Variants in MYL12A observed in about 807,000 individuals in gnomAD.
MYL12A encodes myosin light chain 12A, also known as myosin regulatory light chain 12A.
A neutral mutation model predicts 13.3 loss-of-function variants in MYL12A; 11 were observed. The ratio of observed to expected loss-of-function variants is 0.83; its 90% CI spans 0.52 to 1.37. The LOEUF is 1.37. Ranked by LOEUF, MYL12A falls within the 40% of genes most tolerant of loss-of-function variation. The pLI is 0.00. For missense variants in MYL12A, 146 were observed against 212.3 expected, an observed-to-expected ratio of 0.69 and a Z score of 1.94; for synonymous variants, 51 against 69.9, an observed-to-expected ratio of 0.73 and a Z score of 1.35.
chr18:3,248,618 G>A (rs1331956264), intron 1 of MYL12A: 1 of 152,182 alleles, frequency 6.6e-6, no homozygotes, highest in Non-Finnish European at 1.5e-5. Flanking sequence ...ATTTAAAGGC[G>A]AATAAAGCGA....
chr18:3,256,143 A>T lies in MYL12A; in HGVS notation c.*225A>T. 1.7e-6 allele frequency: 1 copy of T among 580,256 alleles called. No homozygotes were observed. Among genetic ancestry groups the T allele is most frequent in the Non-Finnish European group, 3.0e-6 (1 of 336,206 alleles). The allele number at this position is 580,256 out of a possible 1,614,324, so 35.9% of individuals were successfully genotyped here. A position where few individuals can be genotyped will look rare whatever the true frequency, so the allele number is the denominator to read the frequency against. On this transcript the variant is annotated 3_prime_UTR_variant, in exon 4 of 4. Coordinates refer to ENST00000217652, the MANE Select transcript of MYL12A (RefSeq NM_006471.4). The stretch of plus-strand genomic sequence containing the variant: ...TTTAACCTACCAGCCCTTCTCCCCC[A>T]ATAACTGTGGTCTATACAGAGTCAA...
chr18:3,254,110 A>T lies in MYL12A; in HGVS notation c.343+60A>T, dbSNP rs2081515040. The stretch of plus-strand genomic sequence containing the variant: ...TTAATTTTTAGTTATGGTAACTAAA[A>T]TATACAGTAACTTAAAATATGATAA... On this transcript the variant is annotated intron_variant, in intron 3 of 3. Transcript: ENST00000217652. The T allele has an allele frequency of 1.9e-6, 3 of 1,548,164 alleles. No individual in the cohort carries two copies. In the South Asian group the frequency reaches 3.5e-5, roughly 18 times the overall value.
intron 1 of MYL12A, among the ~76,000 whole-genome samples, chr18:3,250,858 C>T (rs908134404): frequency 6.6e-6 from 1 of 152,094 alleles, no homozygotes; most frequent in African/African-American, 2.4e-5. Flanking sequence ...TCATTATTGT[C>T]ACACGTTTTA....
chr18:3,253,168 T>C, intron 1 of MYL12A, 65 bp from the exon 2 acceptor site: 1 of 1,501,826 alleles, frequency 6.7e-7, no homozygotes, highest in Non-Finnish European at 9.0e-7. Context: ...AATCATTGTT[T>C]TGATTCAAAC....
chr18:3,252,791 A>G (rs1016566534), intron 1 of MYL12A, among the ~76,000 whole-genome samples: 7 of 152,296 alleles, frequency 4.6e-5, no homozygotes, highest in African/African-American at 1.2e-4. Context: ...ATATTTGTCA[A>G]TAGAGATTAG....
chr18:3,254,603 G>A (rs2144332394), intron 3 of MYL12A, among the ~76,000 whole-genome samples: 1 of 152,330 alleles, frequency 6.6e-6, no homozygotes, highest in African/African-American at 2.4e-5. Context: ...TGTAAAATGA[G>A]CAGTATTACC....
chr18:3,252,324 T>TGC, intron 1 of MYL12A: 10 of 1,533,508 alleles, frequency 6.5e-6, no homozygotes, highest in Admixed American at 2.0e-5. Flanking sequence ...CTCTGAAGGA[T>TGC]GGTATGGTAG....
intron 3 of MYL12A, 171 bp from the exon 4 acceptor site, chr18:3,255,575 T>C (rs1351588671): frequency 6.6e-6 from 5 of 761,196 alleles, no homozygotes; most frequent in Admixed American, 3.6e-5. Flanking sequence ...TAGGCATTTT[T>C]CTAGGCACTT....
In MYL12A at chr18:3,255,305, T is replaced by C. The variant is rs78197767; in HGVS notation, c.344-441T>C. ...TTAAAACTGGGCCTCAAGCTTCCGG[T>C]ATTCTTTCCACTGTACCACTTTATT... On this transcript the variant is annotated intron_variant, in intron 3 of 3. Coordinates refer to ENST00000217652, the MANE Select transcript of MYL12A (RefSeq NM_006471.4). 1,372 of 153,108 alleles carry C rather than the reference T, an allele frequency of 9.0e-3. 19 individuals carry two copies. The highest frequency in any genetic ancestry group is 0.031 in the African/African-American group (1,291 of 41,614). 9.5% of individuals were successfully genotyped at this position (153,108 alleles called of 1,614,324 possible). A position where few individuals can be genotyped will look rare whatever the true frequency, so the allele number is the denominator to read the frequency against.
rs757270026 is a variant in MYL12A, at chr18:3,255,863, A to G, written c.461A>G (p.Asn154Ser). The change falls in exon 4 of 4, where the codon AAT (asparagine) becomes AGT (serine). Residue 154 changes from asparagine (N) to serine (S), a missense_variant. Physicochemically the swap from Asn to Ser is conservative, Grantham distance 46. Coordinates refer to ENST00000217652, the MANE Select transcript of MYL12A (RefSeq NM_006471.4). ...EAPIDKKGNF[N>S]YIEFTRILKH... ...CCTATTGATAAAAAGGGGAATTTCA[A>G]TTACATCGAGTTCACACGCATCCTG... 1.2e-5 allele frequency: 19 copies of G among 1,614,052 alleles called. No individual in the cohort carries two copies. Among genetic ancestry groups the G allele is most frequent in the South Asian group, 2.2e-5 (2 of 91,084 alleles).
chr18:3,248,857 G>A (rs1416505860), intron 1 of MYL12A, among the ~76,000 whole-genome samples: 1 of 152,078 alleles, frequency 6.6e-6, no homozygotes, highest in Non-Finnish European at 1.5e-5. Flanking sequence ...TACTTGGAAC[G>A]GAAGCACCAA....
At chr18:3,252,514 G>C in intron 1 of MYL12A, 1 of 1,229,310 alleles carries the variant, frequency 8.1e-7, no homozygotes, top group South Asian at 2.0e-5. Context: ...CTACGTTTAA[G>C]ATGTTTTCTA....
chr18:3,252,260 C>A (rs2081493558), intron 1 of MYL12A: 5 of 1,335,230 alleles, frequency 3.7e-6, no homozygotes, highest in Non-Finnish European at 5.2e-6. Flanking sequence ...TAACTCAATG[C>A]AGTGTCTTAC....
chr18:3,253,370 T>C lies in MYL12A; in HGVS notation c.123T>C (p.Asp41=). Reference sequence around the variant, plus strand: ...TCAAAGAGGCCTTCAACATGATTGATCAGAACAGAGATGGTTTCATCGACA... The same window carrying C: ...TCAAAGAGGCCTTCAACATGATTGACCAGAACAGAGATGGTTTCATCGACA... ...QEFKEAFNMI[D]QNRDGFIDKE... Residue 41 remains aspartate (D), a synonymous_variant, in exon 2 of 4, where the codon GAT becomes GAC. Transcript: ENST00000217652. The C allele has an allele frequency of 6.2e-7, 1 of 1,613,974 alleles. No individual in the cohort carries two copies.
rs977074544 is a variant in MYL12A, at chr18:3,254,834, A to G, written c.343+784A>G. Among the ~76,000 whole-genome samples the G allele has an allele frequency of 2.0e-5, 3 of 152,264 alleles. No homozygotes were observed. In the East Asian group the frequency reaches 5.8e-4, roughly 29 times the overall value. ...GTAGCCAAGTGTGTTTAGTGAAGGA[A>G]GGCACAATCTTTGGTTGCCTCCATT... is the stretch of plus-strand genomic sequence containing the variant. On this transcript the variant is annotated intron_variant, in intron 3 of 3. Coordinates refer to ENST00000217652, the MANE Select transcript of MYL12A (RefSeq NM_006471.4).
chr18:3,253,609 G>T, intron 2 of MYL12A, 181 bp downstream of exon 2: 1 of 823,804 alleles, frequency 1.2e-6, no homozygotes, highest in Non-Finnish European at 1.9e-6. Context: ...CTTAGGATTG[G>T]GTTGGGGTTC....
intron 1 of MYL12A, chr18:3,252,303 C>T: frequency 1.3e-6 from 2 of 1,532,570 alleles, no homozygotes; most frequent in Non-Finnish European, 1.7e-6. Flanking sequence ...AGACTACCAT[C>T]TTCCCTGCAA....
chr18:3,254,078 A>C, intron 3 of MYL12A, 28 bp downstream of exon 3: 1 of 1,597,618 alleles, frequency 6.3e-7, no homozygotes, highest in Non-Finnish European at 8.5e-7. Context: ...TTTAATTATA[A>C]AGTGATTTAA....
rs2081481543 is a variant in MYL12A at position 3,251,152 on chromosome 18, AAAAG to A, written c.-15-2080_-15-2077del. On this transcript the variant is annotated intron_variant, in intron 1 of 3. Transcript: ENST00000217652. ...TGTCAGTGCTGACCCAAAAAAAAAAAAAAGCTTTTTTACTTTAAAAATCTATTTT... is the reference window on the plus strand; with the variant it reads ...TGTCAGTGCTGACCCAAAAAAAAAAACTTTTTTACTTTAAAAATCTATTTT... 8.5e-5 allele frequency among the ~76,000 whole-genome samples: 13 copies of A among 152,236 alleles called. No individual in the cohort carries two copies. In the South Asian group the frequency reaches 2.5e-3, roughly 29 times the overall value.
Sources: gnomAD v4.1 joint callset for allele counts (sites outside exome capture counted in the v4.1 genomes callset) on GRCh38, gnomAD v4.1.1 for gene constraint, MANE v1.5 for transcripts, NCBI Gene and HGNC (gene_info 2026-07-23, HGNC 2026-07-21) for gene names.